PAM: variants seen among roughly 807,000 people sequenced by gnomAD.
The protein encoded by PAM is peptidyl-glycine alpha-amidating monooxygenase.
In PAM, 72 loss-of-function variants were observed where a neutral mutation model predicts 122.1. The observed-to-expected ratio is 0.59, with a 90% CI of 0.49 to 0.72. The LOEUF is 0.72. PAM is among the 30% of genes least tolerant of loss of function. The pLI, the probability that PAM is intolerant of heterozygous loss-of-function variation, is 0.00. For missense variants in PAM, 1,106 were observed against 1,183.7 expected (o/e 0.93, Z 0.96); for synonymous variants, 389 against 404.4 (o/e 0.96, Z 0.46).
At chr5:103,021,597 C>G (rs990440908) in intron 23 of PAM, among the ~76,000 whole-genome samples, 1 of 152,132 alleles carries the variant, frequency 6.6e-6, no homozygotes, top group African/African-American at 2.4e-5. Flanking sequence ...CCCAGCAGTT[C>G]AAACAGTAAA....
At chr5:102,884,920 G>T (rs984059253) in intron 3 of PAM, among the ~76,000 whole-genome samples, 1 of 151,806 alleles carries the variant, frequency 6.6e-6, no homozygotes, top group Admixed American at 6.6e-5. Flanking sequence ...TGTACAATGT[G>T]TCATACTCCC....
intron 1 of PAM, among the ~76,000 whole-genome samples, chr5:102,784,417 GA>G (rs1245190407): frequency 6.6e-6 from 1 of 152,142 alleles, no homozygotes. Context: ...CGTAAGCTTG[GA>G]AAAATTTAGG....
chr5:102,867,656 A>T (rs1309993693), intron 3 of PAM, among the ~76,000 whole-genome samples: 1 of 152,218 alleles, frequency 6.6e-6, no homozygotes, highest in Non-Finnish European at 1.5e-5. Flanking sequence ...ACATTTTGAG[A>T]TTCTCTGTGG....
chr5:102,905,980 A>C (rs994773532), intron 4 of PAM, among the ~76,000 whole-genome samples: 1 of 151,690 alleles, frequency 6.6e-6, no homozygotes, highest in Non-Finnish European at 1.5e-5. Context: ...TGATGAGTGG[A>C]TACAGCCCAT....
chr5:102,983,080 C>G (rs986888528), intron 15 of PAM, among the ~76,000 whole-genome samples: 5 of 151,786 alleles, frequency 3.3e-5, no homozygotes, highest in Admixed American at 2.0e-4. Context: ...ATAAAAAATA[C>G]AGTTGAGAGC....
intron 12 of PAM, among the ~76,000 whole-genome samples, chr5:102,958,532 A>G (rs369872771): frequency 1.3e-5 from 2 of 152,184 alleles, no homozygotes; most frequent in South Asian, 4.1e-4. Flanking sequence ...TTTTGACACC[A>G]TGAAGACATG....
intron 14 of PAM, among the ~76,000 whole-genome samples, chr5:102,966,093 C>T (rs778833236): frequency 1.3e-5 from 2 of 152,022 alleles, no homozygotes; most frequent in African/African-American, 2.4e-5. Flanking sequence ...TCCAAGCACT[C>T]TCTATGCCAC....
At chr5:102,767,047 T>C (rs115189499) in intron 1 of PAM, among the ~76,000 whole-genome samples, 220 of 150,858 alleles carry the variant, frequency 1.5e-3, no homozygotes, top group Non-Finnish European at 2.5e-3. Context: ...CCCTTTGACT[T>C]TCTGGAAGGC....
intron 3 of PAM, among the ~76,000 whole-genome samples, chr5:102,896,519 A>G (rs1462485086): frequency 6.6e-6 from 1 of 151,688 alleles, no homozygotes. Context: ...ATATAATTCT[A>G]AATACCTAGA....
At chr5:102,990,026 C>T in intron 15 of PAM, 1 of 283,066 alleles carries the variant, frequency 3.5e-6, no homozygotes, top group Non-Finnish European at 6.5e-6. Context: ...GGTTAGCTGG[C>T]TTTACAGGCA....
chr5:103,025,285 G>C lies in PAM; in HGVS notation c.2640G>C (p.Leu880=). The change falls in exon 24 of 26, where the codon CTG becomes CTC. Residue 880 remains leucine, a synonymous_variant. Transcript: ENST00000438793. ...TTCTGGTTATTCCGGTGGTTGTCCT[G>C]CTGGCCATTGCCATATTTATTCGGT... ...TTLLVIPVVV[L]LAIAIFIRWK... 6.2e-7 allele frequency: 1 copy of C among 1,613,706 alleles called. No homozygotes were observed. Among genetic ancestry groups the C allele is most frequent in the Non-Finnish European group, 8.5e-7 (1 of 1,179,720 alleles).
intron 1 of PAM, among the ~76,000 whole-genome samples, chr5:102,799,925 CAAT>C (rs1250723511): frequency 1.3e-5 from 2 of 152,314 alleles, no homozygotes; most frequent in African/African-American, 2.4e-5. Flanking sequence ...TTATCCACAA[CAAT>C]GTTTGGGGAC....
At chr5:103,018,253 AG>A (rs1782582865) in intron 22 of PAM, among the ~76,000 whole-genome samples, 1 of 152,186 alleles carries the variant, frequency 6.6e-6, no homozygotes, top group Non-Finnish European at 1.5e-5. Context: ...TTTTAGATAA[AG>A]GACAAAAAAA....
chr5:102,765,789 T>C (rs1753740156), intron 1 of PAM, among the ~76,000 whole-genome samples: 1 of 152,172 alleles, frequency 6.6e-6, no homozygotes, highest in Admixed American at 6.5e-5. Flanking sequence ...ACATCATCTT[T>C]CCTGTCTTCC....
At chr5:102,783,270 A>G (rs1257383692) in intron 1 of PAM, among the ~76,000 whole-genome samples, 1 of 151,938 alleles carries the variant, frequency 6.6e-6, no homozygotes, top group African/African-American at 2.4e-5. Flanking sequence ...TTAAATTTGA[A>G]TTTCAAATAA....
rs558453563 is a variant in PAM, at chr5:102,942,700, G to A, written c.527-4137G>A. On this transcript the variant is annotated intron_variant, in intron 7 of 25. Transcript: ENST00000438793. The stretch of plus-strand genomic sequence containing the variant: ...CAGGCACAAGCAATCCTCACAAGTA[G>A]CTGGGGCTACAGTCACACGCCAGCA... 1.5e-4 allele frequency among the ~76,000 whole-genome samples: 23 copies of A among 150,940 alleles called. 1 individual carries two copies. The highest frequency in any genetic ancestry group is 9.9e-4 in the Admixed American group (15 of 15,128).
intron 1 of PAM, among the ~76,000 whole-genome samples, chr5:102,763,037 C>T (rs1028298360): frequency 6.6e-6 from 1 of 152,090 alleles, no homozygotes; most frequent in Non-Finnish European, 1.5e-5. Flanking sequence ...GTAAATGTAA[C>T]CTTTCACCTA....
rs370575821 is a variant in PAM at position 103,006,878 on chromosome 5, G to A, written c.1881G>A (p.Gln627=). 1.6e-5 allele frequency: 26 copies of A among 1,613,842 alleles called. No homozygotes were observed. The highest frequency in any genetic ancestry group is 2.1e-5 in the Non-Finnish European group (25 of 1,179,868). ...GGAGCATGCAACCAGGCAGTGACCA[G>A]AATCACTTCTGTCAACCCACTGATG... ...LGRSMQPGSD[Q]NHFCQPTDVA... is the part of the protein sequence containing the mutation. The change falls in exon 19 of 26, where the codon CAG becomes CAA. Residue 627 remains glutamine (Q), a synonymous_variant. Coordinates refer to ENST00000438793, the MANE Select transcript of PAM (RefSeq NM_001177306.2).
intron 1 of PAM, among the ~76,000 whole-genome samples, chr5:102,819,746 G>T (rs977714845): frequency 1.3e-5 from 2 of 152,128 alleles, no homozygotes; most frequent in African/African-American, 4.8e-5. Context: ...ACGAAAGAAA[G>T]TACATGGTAT....
Sources: gnomAD v4.1 joint callset for allele counts (sites outside exome capture counted in the v4.1 genomes callset) on GRCh38, gnomAD v4.1.1 for gene constraint, MANE v1.5 for transcripts, NCBI Gene and HGNC (gene_info 2026-07-23, HGNC 2026-07-21) for gene names.